The following PLXDC2 variants were observed in gnomAD, a reference collection of about 807,000 sequenced individuals.
PLXDC2 encodes the protein plexin domain-containing protein 2.
A neutral mutation model predicts 68.9 loss-of-function variants in PLXDC2; 40 were observed. The ratio of observed to expected loss-of-function variants is 0.58; its 90% CI spans 0.45 to 0.76. The LOEUF is 0.76. PLXDC2 is among the 30% of genes least tolerant of loss of function. The probability of loss-of-function intolerance (pLI) is 0.00; values close to 1 mark genes in which losing one functional copy is unlikely to be tolerated. For synonymous variants in PLXDC2, 243 were observed against 234.2 expected, an observed-to-expected ratio of 1.04 and a Z score of -0.34; for missense variants, 644 against 661.9, an observed-to-expected ratio of 0.97 and a Z score of 0.30.
intron 2 of PLXDC2, among the ~76,000 whole-genome samples, chr10:20,039,427 C>T (rs183866110): frequency 1.2e-3 from 179 of 152,084 alleles, no homozygotes; most frequent in African/African-American, 4.1e-3. Flanking sequence ...AGCTGGTATT[C>T]GAAAGAAAAG....
chr10:20,107,739 T>A (rs1011126806), intron 4 of PLXDC2, among the ~76,000 whole-genome samples: 1 of 152,146 alleles, frequency 6.6e-6, no homozygotes, highest in South Asian at 2.1e-4. Flanking sequence ...GTATTAGAGT[T>A]TATTCAGTTT....
At chr10:19,951,985 G>T (rs1363974914) in intron 1 of PLXDC2, among the ~76,000 whole-genome samples, 1 of 151,708 alleles carries the variant, frequency 6.6e-6, no homozygotes, top group Admixed American at 6.6e-5. Context: ...GTAGACACAG[G>T]AGACTACACG....
chr10:19,906,601 T>C (rs1589529819), intron 1 of PLXDC2, among the ~76,000 whole-genome samples: 1 of 152,036 alleles, frequency 6.6e-6, no homozygotes, highest in Non-Finnish European at 1.5e-5. Flanking sequence ...GTGTGGGTCA[T>C]GGATTGGTTG....
At chr10:19,903,777 T>C (rs1200342157) in intron 1 of PLXDC2, among the ~76,000 whole-genome samples, 2 of 152,036 alleles carry the variant, frequency 1.3e-5, no homozygotes, top group African/African-American at 2.4e-5. Context: ...GAGCTTAAGA[T>C]TGTCTATTTG....
chr10:19,984,671 C>A (rs988562829), intron 1 of PLXDC2, among the ~76,000 whole-genome samples: 14 of 152,046 alleles, frequency 9.2e-5, no homozygotes, highest in African/African-American at 3.4e-4. Context: ...AGTTTATGAC[C>A]CTGAACTTCA....
intron 1 of PLXDC2, among the ~76,000 whole-genome samples, chr10:19,835,577 G>A (rs1011458105): frequency 6.6e-6 from 1 of 152,150 alleles, no homozygotes; most frequent in African/African-American, 2.4e-5. Flanking sequence ...TGTATCTGGT[G>A]GTGATGGGAA....
intron 9 of PLXDC2, among the ~76,000 whole-genome samples, chr10:20,205,592 C>T (rs1834980534): frequency 6.6e-6 from 1 of 151,946 alleles, no homozygotes. Context: ...ATAATTAACT[C>T]CTAAACATTT....
chr10:20,105,048 CAAAAAA>C (rs11289832), intron 4 of PLXDC2, among the ~76,000 whole-genome samples: 8 of 97,268 alleles, frequency 8.2e-5, no homozygotes, highest in African/African-American at 1.7e-4. Flanking sequence ...AGACTCCATC[CAAAAAA>C]AAAAAAAAAA....
At chr10:19,999,856 A>T (rs1834904514) in intron 1 of PLXDC2, among the ~76,000 whole-genome samples, 1 of 152,180 alleles carries the variant, frequency 6.6e-6, no homozygotes, top group Non-Finnish European at 1.5e-5. Flanking sequence ...ATTCTCAGGA[A>T]AAGCTGTCTG....
rs566165864 is a variant in PLXDC2, at chr10:20,019,000, C to CTGGACA, written c.324+17018_324+17023dup. ...CTAAATAAAAAGAAATGGAACTTGG[C>CTGGACA]TGGACATGGCAGCTCATGCCTGTGA... On this transcript the variant is annotated intron_variant, in intron 2 of 13. Coordinates refer to ENST00000377252, the MANE Select transcript of PLXDC2 (RefSeq NM_032812.9). Among the ~76,000 whole-genome samples, 4 of 152,310 alleles carry CTGGACA rather than the reference C, an allele frequency of 2.6e-5. No homozygotes were observed. In the South Asian group the frequency reaches 6.2e-4, roughly 24 times the overall value.
chr10:20,099,661 A>T (rs1833396784), intron 4 of PLXDC2, among the ~76,000 whole-genome samples: 1 of 152,186 alleles, frequency 6.6e-6, no homozygotes, highest in African/African-American at 2.4e-5. Flanking sequence ...AGGGCTTCTG[A>T]GTCATCAGAA....
chr10:20,090,111 G>A (rs1175441922), intron 4 of PLXDC2, among the ~76,000 whole-genome samples: 1 of 152,138 alleles, frequency 6.6e-6, no homozygotes, highest in Non-Finnish European at 1.5e-5. Flanking sequence ...TGTCCTAAGT[G>A]CTGGGTGCAC....
In PLXDC2 at chr10:19,946,722, G is replaced by A. The variant is rs146108136; in HGVS notation, c.113-55053G>A. On this transcript the variant is annotated intron_variant, in intron 1 of 13. Transcript: ENST00000377252. The stretch of plus-strand genomic sequence containing the variant: ...TTTATCTCAACTAGACAGTCCCATC[G>A]GTGGGTGATGGGAGACAGAGGCAGA... Among the ~76,000 whole-genome samples the A allele has an allele frequency of 4.7e-3, 711 of 152,092 alleles. 5 individuals carry two copies. The highest frequency in any genetic ancestry group is 0.015 in the African/African-American group (622 of 41,486).
At chr10:20,069,693 T>C (rs1051189511) in intron 4 of PLXDC2, among the ~76,000 whole-genome samples, 1 of 151,854 alleles carries the variant, frequency 6.6e-6, no homozygotes, top group Non-Finnish European at 1.5e-5. Context: ...TTAGCTGGTA[T>C]GATGGCATGC....
At chr10:20,266,728 C>G (rs957249068) in intron 13 of PLXDC2, among the ~76,000 whole-genome samples, 2 of 152,068 alleles carry the variant, frequency 1.3e-5, no homozygotes, top group Non-Finnish European at 2.9e-5. Flanking sequence ...GGCTTTAAAA[C>G]TAAATCGAGA....
intron 3 of PLXDC2, among the ~76,000 whole-genome samples, chr10:20,061,276 G>A (rs1836098378): frequency 6.6e-6 from 1 of 152,164 alleles, no homozygotes. Flanking sequence ...CCTTCAATCT[G>A]TAAGAATTCC....
At position 20,189,072 on chromosome 10, in the gene PLXDC2, T is replaced by C. The variant is rs1018977107; in HGVS notation, c.1061+11663T>C. Reference sequence around the variant, plus strand: ...CTATTAAGCTGCTTGTCCTGAAATATAGCATAAACAAGATTGTCTTTTAAG... The same window carrying C: ...CTATTAAGCTGCTTGTCCTGAAATACAGCATAAACAAGATTGTCTTTTAAG... On this transcript the variant is annotated intron_variant, in intron 9 of 13. Coordinates refer to ENST00000377252, the MANE Select transcript of PLXDC2 (RefSeq NM_032812.9). Among the ~76,000 whole-genome samples the C allele has an allele frequency of 6.1e-5, 8 of 130,980 alleles. 1 individual carries two copies. The highest frequency in any genetic ancestry group is 1.5e-4 in the Non-Finnish European group (8 of 53,296). The allele number at this position is 130,980 out of a possible 152,430, so 85.9% of individuals were successfully genotyped here. A position where few individuals can be genotyped will look rare whatever the true frequency, so the allele number is the denominator to read the frequency against.
chr10:19,890,235 T>A (rs1837928498), intron 1 of PLXDC2, among the ~76,000 whole-genome samples: 1 of 152,154 alleles, frequency 6.6e-6, no homozygotes, highest in African/African-American at 2.4e-5. Flanking sequence ...TTTTTAAAAA[T>A]TTTAATTTTG....
chr10:20,031,555 A>C (rs1427309828), intron 2 of PLXDC2, among the ~76,000 whole-genome samples: 1 of 152,036 alleles, frequency 6.6e-6, no homozygotes, highest in Non-Finnish European at 1.5e-5. Flanking sequence ...GTAACAAACA[A>C]CTCCAAAACT....
Sources: allele counts gnomAD v4.1 joint callset (sites outside exome capture counted in the v4.1 genomes callset), GRCh38; gene constraint gnomAD v4.1.1; transcripts MANE v1.5; gene names NCBI Gene and HGNC (gene_info 2026-07-23, HGNC 2026-07-21).